The following BANP variants were observed in gnomAD, a reference collection of about 807,000 sequenced individuals.
BANP encodes BTG3 associated nuclear protein, also known as protein BANP.
Under a neutral mutation model 68.1 loss-of-function variants are expected in BANP, and 11 were observed. The ratio of observed to expected loss-of-function variants is 0.16; its 90% CI spans 0.10 to 0.27. The LOEUF is 0.27. Among genes scored for constraint, BANP ranks in the 10% least tolerant of loss-of-function variants. BANP has a pLI of 1.00. For missense variants in BANP, 504 were observed against 722.7 expected, an observed-to-expected ratio of 0.70 and a Z score of 3.47; for synonymous variants, 329 against 303.2, an observed-to-expected ratio of 1.09 and a Z score of -0.88.
At chr16:88,047,024 C>G (rs2082181271) in intron 11 of BANP, among the ~76,000 whole-genome samples, 1 of 151,834 alleles carries the variant, frequency 6.6e-6, no homozygotes, top group African/African-American at 2.4e-5. Flanking sequence ...CAAGATTGCG[C>G]CATTGCATTC....
intron 8 of BANP, among the ~76,000 whole-genome samples, chr16:88,030,134 A>G (rs1422912662): frequency 2.0e-5 from 3 of 152,254 alleles, no homozygotes; most frequent in African/African-American, 7.2e-5. Flanking sequence ...ACAAGTAACA[A>G]CACTTTTAAA....
At chr16:88,010,677 A>AAAACATGTAGCC (rs1481375927) in intron 6 of BANP, among the ~76,000 whole-genome samples, 2 of 152,292 alleles carry the variant, frequency 1.3e-5, no homozygotes, top group Non-Finnish European at 2.9e-5. Flanking sequence ...CATGGAAATA[A>AAAACATGTAGCC]AAACATGTAG....
intron 6 of BANP, among the ~76,000 whole-genome samples, chr16:88,016,257 A>G (rs2074531745): frequency 6.6e-6 from 1 of 152,214 alleles, no homozygotes; most frequent in Non-Finnish European, 1.5e-5. Flanking sequence ...GCGCTGGGAA[A>G]TGCGTGGTGC....
rs946022519 is a variant in BANP at position 88,033,263 on chromosome 16, C to T, written c.1200+18C>T. On this transcript the variant is annotated intron_variant, in intron 9 of 13. Transcript: ENST00000682872. ...TGCAAGTAGTACGTACCCTCTCCAC[C>T]TCACACCTTGGGAAAGGGGGCTGCG... is the stretch of plus-strand genomic sequence containing the variant. The T allele has an allele frequency of 6.5e-7, 1 of 1,544,370 alleles. No homozygotes were observed. Among genetic ancestry groups the T allele is most frequent in the African/African-American group, 1.4e-5 (1 of 73,730 alleles).
rs548678541 is a variant in BANP at position 87,985,973 on chromosome 16, A to G, written c.362+1714A>G. Reference sequence around the variant, plus strand: ...TAAGATTCTGAGTTCAGAGAGTTAGAAGCATGTTTTCCACTCATGAAGCTC... The same window carrying G: ...TAAGATTCTGAGTTCAGAGAGTTAGGAGCATGTTTTCCACTCATGAAGCTC... On this transcript the variant is annotated intron_variant, in intron 4 of 13. Coordinates refer to ENST00000682872, the MANE Select transcript of BANP (RefSeq NM_001386991.1). 2.0e-5 allele frequency among the ~76,000 whole-genome samples: 3 copies of G among 152,310 alleles called. No individual in the cohort carries two copies. In the East Asian group the frequency reaches 5.8e-4, roughly 29 times the overall value.
In BANP at chr16:88,015,453, C is replaced by T. The variant is rs561185752; in HGVS notation, c.656-2975C>T. Among the ~76,000 whole-genome samples, 180 of 152,354 alleles carry T rather than the reference C, an allele frequency of 1.2e-3. 1 individual carries two copies. The highest frequency in any genetic ancestry group is 3.8e-3 in the African/African-American group (156 of 41,586). ...TGGTTCTCCACCCTCTCCTGTCCCT[C>T]GTCTGCCCTATGTTCCCTGCTCTGG... On this transcript the variant is annotated intron_variant, in intron 6 of 13. Coordinates refer to ENST00000682872, the MANE Select transcript of BANP (RefSeq NM_001386991.1).
At chr16:87,973,864 T>C (rs1190405776) in intron 1 of BANP, among the ~76,000 whole-genome samples, 1 of 152,204 alleles carries the variant, frequency 6.6e-6, no homozygotes, top group Non-Finnish European at 1.5e-5. Flanking sequence ...TTTATTGGAT[T>C]GAAGGACACG....
At position 88,002,475 on chromosome 16, in the gene BANP, T is replaced by G. The variant is rs993624116; in HGVS notation, c.363-1820T>G. On this transcript the variant is annotated intron_variant, in intron 4 of 13. Coordinates refer to ENST00000682872, the MANE Select transcript of BANP (RefSeq NM_001386991.1). The surrounding 1 kb of genome is among the most constrained non-coding windows in gnomAD (Gnocchi z 4.6). Reference sequence around the variant, plus strand: ...CATCCAGTGTGTTCAGAGCAGAGGTTGTTTTTTAGGTGGGAAAAGGGCTTT... The same window carrying G: ...CATCCAGTGTGTTCAGAGCAGAGGTGGTTTTTTAGGTGGGAAAAGGGCTTT... Among the ~76,000 whole-genome samples, 1 of 152,122 alleles carries G rather than the reference T, an allele frequency of 6.6e-6. No individual in the cohort carries two copies. Among genetic ancestry groups the G allele is most frequent in the African/African-American group, 2.4e-5 (1 of 41,402 alleles).
intron 11 of BANP, among the ~76,000 whole-genome samples, 158 bp downstream of exon 11, chr16:88,038,169 G>A (rs1017324486): frequency 4.6e-5 from 7 of 151,294 alleles, no homozygotes; most frequent in Non-Finnish European, 1.0e-4. Flanking sequence ...GGGGTGGGAC[G>A]GTCATTGTGG....
chr16:87,984,780 C>T (rs374938476), intron 4 of BANP, among the ~76,000 whole-genome samples: 25 of 152,312 alleles, frequency 1.6e-4, no homozygotes, highest in African/African-American at 5.8e-4. Flanking sequence ...CTCGGACCTG[C>T]TTGGTGTCCA....
chr16:88,040,584 C>T (rs1423323623), intron 11 of BANP, among the ~76,000 whole-genome samples: 1 of 152,182 alleles, frequency 6.6e-6, no homozygotes, highest in Non-Finnish European at 1.5e-5. Flanking sequence ...ACGGCCCATT[C>T]CCTCTCCTCC....
chr16:88,041,573 A>C (rs528097939), intron 11 of BANP, among the ~76,000 whole-genome samples: 96 of 152,248 alleles, frequency 6.3e-4, no homozygotes, highest in African/African-American at 2.3e-3. Flanking sequence ...CCTTGCTGAG[A>C]GATGGAATGC....
chr16:88,042,012 GGT>G (rs2080936053), intron 11 of BANP, among the ~76,000 whole-genome samples: 1 of 152,144 alleles, frequency 6.6e-6, no homozygotes, highest in Non-Finnish European at 1.5e-5. Flanking sequence ...GCAGTAGGAG[GGT>G]GAGAGACACA....
chr16:87,987,748 T>C (rs1027520060), intron 4 of BANP, among the ~76,000 whole-genome samples: 2 of 97,158 alleles, frequency 2.1e-5, no homozygotes, highest in African/African-American at 6.3e-5. Flanking sequence ...AAGGATGTTA[T>C]TATGTCTGAC....
chr16:87,968,141 T>C (rs1481857923), intron 1 of BANP, among the ~76,000 whole-genome samples: 1 of 152,000 alleles, frequency 6.6e-6, no homozygotes, highest in African/African-American at 2.4e-5. Flanking sequence ...AATGCACCAA[T>C]GCCAAGGTTG....
intron 1 of BANP, among the ~76,000 whole-genome samples, chr16:87,966,165 G>C (rs2059981231): frequency 6.6e-6 from 1 of 152,212 alleles, no homozygotes; most frequent in African/African-American, 2.4e-5. Flanking sequence ...TCATCCATGT[G>C]AATGACTTGG....
intron 6 of BANP, among the ~76,000 whole-genome samples, chr16:88,009,440 A>G (rs1309661797): frequency 1.3e-5 from 2 of 152,248 alleles, no homozygotes; most frequent in African/African-American, 4.8e-5. Flanking sequence ...AAGAATTCCA[A>G]ATGGCTTGTG....
intron 9 of BANP, among the ~76,000 whole-genome samples, chr16:88,034,511 G>T (rs568408215): frequency 1.3e-3 from 195 of 152,200 alleles, no homozygotes; most frequent in Non-Finnish European, 2.3e-3. Flanking sequence ...TACTGAAACT[G>T]TCTAAATAGT....
intron 7 of BANP, among the ~76,000 whole-genome samples, chr16:88,025,200 A>T (rs142271882): frequency 6.5e-4 from 99 of 152,322 alleles, no homozygotes; most frequent in African/African-American, 2.3e-3. Context: ...CTGGGCTCTC[A>T]TGAAACTATT....
Sources: allele counts gnomAD v4.1 joint callset (sites outside exome capture counted in the v4.1 genomes callset), GRCh38; gene constraint gnomAD v4.1.1; non-coding constraint Gnocchi (gnomAD v3.1); transcripts MANE v1.5; gene names NCBI Gene and HGNC (gene_info 2026-07-23, HGNC 2026-07-21).